The following G2E3 variants were observed in gnomAD, a reference collection of about 807,000 sequenced individuals.
G2E3 encodes the protein G2/M phase-specific E3 ubiquitin-protein ligase.
A neutral mutation model predicts 92.8 loss-of-function variants in G2E3; 35 were observed. The ratio of observed to expected loss-of-function variants is 0.38; its 90% CI spans 0.29 to 0.50. The LOEUF is 0.50. Ranked by LOEUF, G2E3 falls within the 20% of genes least tolerant of loss-of-function variation. The pLI is 0.94. For synonymous variants in G2E3, 242 were observed against 272.4 expected, an observed-to-expected ratio of 0.89 and a Z score of 1.10; for missense variants, 554 against 823.8, an observed-to-expected ratio of 0.67 and a Z score of 4.01.
At chr14:30,561,492 C>T (rs1426472837) in intron 1 of G2E3, among the ~76,000 whole-genome samples, 1 of 152,166 alleles carries the variant, frequency 6.6e-6, no homozygotes, top group Non-Finnish European at 1.5e-5. Context: ...CTTCTCTTCC[C>T]AAGGACCATC....
At chr14:30,611,732 A>G (rs928996564) in intron 12 of G2E3, 1 of 152,292 alleles carries the variant, frequency 6.6e-6, no homozygotes, top group African/African-American at 2.4e-5. Flanking sequence ...ATCATAGCTC[A>G]CTGAACCTCC....
At chr14:30,565,860 C>T (rs1476987426) in intron 1 of G2E3, among the ~76,000 whole-genome samples, 5 of 151,750 alleles carry the variant, frequency 3.3e-5, no homozygotes, top group African/African-American at 4.8e-5. Context: ...GACTGGGTTT[C>T]ACCATGTTAT....
Position 30,618,516 on chromosome 14 carries a change from G to C in G2E3, c.*1982G>C, listed in dbSNP as rs182938411. On this transcript the variant is annotated 3_prime_UTR_variant, in exon 15 of 15. Transcript: ENST00000206595. ...TCACACACACATACTTTGTTGGGGT[G>C]GGGGTGGCAGGTGGAGAGGCAGTGT... 2 of 152,180 alleles carry C rather than the reference G, an allele frequency of 1.3e-5. No individual in the cohort carries two copies. Among genetic ancestry groups the C allele is most frequent in the Non-Finnish European group, 2.9e-5 (2 of 67,938 alleles). The allele number at this position is 152,180 out of a possible 1,614,324, so 9.4% of individuals were successfully genotyped here.
At chr14:30,571,897 G>T (rs1879785655) in intron 1 of G2E3, among the ~76,000 whole-genome samples, 1 of 150,186 alleles carries the variant, frequency 6.7e-6, no homozygotes, top group African/African-American at 2.5e-5. Flanking sequence ...GCTATTACAA[G>T]ACTTTTGCAT....
Position 30,607,960 on chromosome 14 carries a change from C to T in G2E3, c.1391C>T (p.Pro464Leu), listed in dbSNP as rs1384285044. 6.2e-7 allele frequency: 1 copy of T among 1,606,688 alleles called. No homozygotes were observed. The highest frequency in any genetic ancestry group is 8.5e-7 in the Non-Finnish European group (1 of 1,176,910). ...TCTTTAGTTCACGGTGGTCCTTCAC[C>T]TGGTTTCTTTTCTAAAACCTTGTTT... ...AISLVHGGPS[P>L]GFFSKTLFNC... The change falls in exon 12 of 15, where the codon CCT becomes CTT. Residue 464 changes from proline to leucine, a missense_variant. Coordinates refer to ENST00000206595, the MANE Select transcript of G2E3 (RefSeq NM_017769.5).
chr14:30,597,586 A>G, intron 7 of G2E3, 60 bp downstream of exon 7: 1 of 898,506 alleles, frequency 1.1e-6, no homozygotes, highest in South Asian at 1.4e-5. Flanking sequence ...ATTTAATAGC[A>G]ATGGAAATGA....
chr14:30,576,851 A>G (rs978789173), intron 1 of G2E3, among the ~76,000 whole-genome samples: 1 of 152,142 alleles, frequency 6.6e-6, no homozygotes, highest in Non-Finnish European at 1.5e-5. Flanking sequence ...AAATCAATCA[A>G]TTTCTCTTTC....
chr14:30,568,929 T>A (rs1473997236), intron 1 of G2E3, among the ~76,000 whole-genome samples: 1 of 152,158 alleles, frequency 6.6e-6, no homozygotes, highest in Non-Finnish European at 1.5e-5. Context: ...CTGTCTGGTG[T>A]CCCATTAGCA....
Position 30,605,786 on chromosome 14 carries a change from C to A in G2E3, c.1292C>A (p.Ser431Ter). Residue 431 changes from serine (S) to a stop codon, truncating the protein, a stop_gained, in exon 11 of 15, where the codon TCA (serine) becomes TAA (stop). Coordinates refer to ENST00000206595, the MANE Select transcript of G2E3 (RefSeq NM_017769.5). LOFTEE classifies it high-confidence loss of function. ...TCATCATTGTTTGAAGGGTCCTTGT[C>A]AAAGAACTTGTCTCTAAATTCTCAA... ...ENSSLFEGSLSKNLSLNSQAL... is the reference protein window; with the variant it reads ...ENSSLFEGSL 1 of 1,561,254 alleles carries A rather than the reference C, an allele frequency of 6.4e-7. No homozygotes were observed. Among genetic ancestry groups the A allele is most frequent in the Non-Finnish European group, 8.7e-7 (1 of 1,155,162 alleles).
rs745352962 is a variant in G2E3, at chr14:30,586,753, A to G, written c.73A>G (p.Asn25Asp). 9.0e-6 allele frequency: 13 copies of G among 1,443,748 alleles called. No homozygotes were observed. Among genetic ancestry groups the G allele is most frequent in the Non-Finnish European group, 1.2e-5 (13 of 1,056,290 alleles). The allele number at this position is 1,443,748 out of a possible 1,614,324, so 89.4% of individuals were successfully genotyped here. A position where few individuals can be genotyped will look rare whatever the true frequency, so the allele number is the denominator to read the frequency against. ...VFCRKHDDCP[N>D]KYGEKKTKEK... ...CTGTCGAAAACATGATGACTGTCCT[A>G]ATAAATACGGAGAAAAGAAAACTAA... Residue 25 changes from asparagine (N) to aspartate (D), a missense_variant, in exon 3 of 15, where the codon AAT becomes GAT. Asn to Asp is a conservative substitution (Grantham distance 23). Around this residue, in one of 3 missense-constraint regions of G2E3, gnomAD observed 137 missense variants for 201.3 expected, o/e 0.68. Coordinates refer to ENST00000206595, the MANE Select transcript of G2E3 (RefSeq NM_017769.5).
At chr14:30,605,429 T>G (rs1397280872) in intron 10 of G2E3, 76 bp from the exon 11 acceptor site, 8 of 533,704 alleles carry the variant, frequency 1.5e-5, no homozygotes, top group Non-Finnish European at 2.3e-5. Context: ...CGTCTTGTTT[T>G]ATTGGCTATA....
chr14:30,605,851 C>A, intron 11 of G2E3, 39 bp downstream of exon 11: 1 of 1,064,574 alleles, frequency 9.4e-7, no homozygotes, highest in Non-Finnish European at 1.4e-6. Flanking sequence ...CCAAATATCA[C>A]ATGTATAGAA....
At chr14:30,590,652 A>G in intron 4 of G2E3, 1 of 455,600 alleles carries the variant, frequency 2.2e-6, no homozygotes, top group South Asian at 1.6e-5. Context: ...TTATTTTTGA[A>G]GATATCAAGA....
At chr14:30,593,016 A>C (rs1881097278) in intron 5 of G2E3, among the ~76,000 whole-genome samples, 1 of 152,172 alleles carries the variant, frequency 6.6e-6, no homozygotes, top group South Asian at 2.1e-4. Flanking sequence ...ATGTAAGAAA[A>C]CTACAGTTTA....
intron 2 of G2E3, among the ~76,000 whole-genome samples, chr14:30,584,583 A>AGTG (rs1318127879): frequency 6.6e-6 from 1 of 152,176 alleles, no homozygotes; most frequent in Non-Finnish European, 1.5e-5. Flanking sequence ...GTGAGTGTGA[A>AGTG]GTGGTATCTC....
intron 1 of G2E3, among the ~76,000 whole-genome samples, chr14:30,562,149 A>G (rs1049057909): frequency 6.6e-6 from 1 of 152,174 alleles, no homozygotes; most frequent in African/African-American, 2.4e-5. Flanking sequence ...ATGTATTTTT[A>G]AAATATTTAA....
chr14:30,616,628 C>T lies in G2E3; in HGVS notation c.*94C>T. Reference sequence around the variant, plus strand: ...CCTTTTCATCATCACTTTGAACAAACTAGTTAGCTTCTTGACCTAATAAAA... The same window carrying T: ...CCTTTTCATCATCACTTTGAACAAATTAGTTAGCTTCTTGACCTAATAAAA... On this transcript the variant is annotated 3_prime_UTR_variant, in exon 15 of 15. Coordinates refer to ENST00000206595, the MANE Select transcript of G2E3 (RefSeq NM_017769.5). 1 of 881,292 alleles carries T rather than the reference C, an allele frequency of 1.1e-6. No individual in the cohort carries two copies. Among genetic ancestry groups the T allele is most frequent in the Non-Finnish European group, 1.8e-6 (1 of 562,160 alleles). The allele number at this position is 881,292 out of a possible 1,614,324, so 54.6% of individuals were successfully genotyped here.
chr14:30,586,775 C>G lies in G2E3; in HGVS notation c.95C>G (p.Thr32Ser), dbSNP rs1225743356. Residue 32 changes from threonine (T) to serine (S), a missense_variant, in exon 3 of 15, where the codon ACT becomes AGT. Thr to Ser is a moderately conservative substitution (Grantham distance 58). Around this residue, in one of 3 missense-constraint regions of G2E3, gnomAD observed 137 missense variants for 201.3 expected, o/e 0.68. Transcript: ENST00000206595. Reference sequence around the variant, plus strand: ...CCTAATAAATACGGAGAAAAGAAAACTAAGGAGAAATGGAATCTCACTGTA... The same window carrying G: ...CCTAATAAATACGGAGAAAAGAAAAGTAAGGAGAAATGGAATCTCACTGTA... Reference protein sequence around the residue: ...DCPNKYGEKKTKEKWNLTVHY... With the variant: ...DCPNKYGEKKSKEKWNLTVHY... The G allele has an allele frequency of 7.6e-6, 11 of 1,439,568 alleles. No individual in the cohort carries two copies. The highest frequency in any genetic ancestry group is 1.0e-5 in the Non-Finnish European group (11 of 1,054,060). The allele number at this position is 1,439,568 out of a possible 1,614,324, so 89.2% of individuals were successfully genotyped here.
intron 13 of G2E3, 140 bp downstream of exon 13, chr14:30,612,519 CTT>C (rs987378729): frequency 8.7e-5 from 51 of 588,782 alleles, no homozygotes; most frequent in Middle Eastern, 9.1e-4. Flanking sequence ...TAAATAATAA[CTT>C]AAGCCTTTTT....
Sources: allele counts gnomAD v4.1 joint callset (sites outside exome capture counted in the v4.1 genomes callset), GRCh38; gene constraint gnomAD v4.1.1; regional missense constraint gnomAD v4.1.1; transcripts MANE v1.5; gene names NCBI Gene and HGNC (gene_info 2026-07-23, HGNC 2026-07-21).